The following KCTD3 variants were observed in gnomAD, a reference collection of about 807,000 sequenced individuals.
The protein encoded by KCTD3 is BTB/POZ domain-containing protein KCTD3.
Under a neutral mutation model 85.8 loss-of-function variants are expected in KCTD3, and 41 were observed. The observed-to-expected ratio is 0.48, with a 90% CI of 0.37 to 0.62. The LOEUF (loss-of-function observed/expected upper bound fraction) is 0.62, where lower values mean the gene tolerates loss of function less well. KCTD3 is among the 20% of genes least tolerant of loss of function. The pLI, the probability that KCTD3 is intolerant of heterozygous loss-of-function variation, is 0.00. For synonymous variants in KCTD3, 338 were observed against 345.4 expected, an observed-to-expected ratio of 0.98 and a Z score of 0.24; for missense variants, 724 against 989.9, an observed-to-expected ratio of 0.73 and a Z score of 3.60.
chr1:215,574,180 A>G (rs540247962), intron 3 of KCTD3, 62 bp downstream of exon 3: 2 of 942,308 alleles, frequency 2.1e-6, no homozygotes, highest in Admixed American at 2.0e-5. Context: ...TGGTCCTAAC[A>G]TATAGTTACT....
rs370509594 is a variant in KCTD3, at chr1:215,579,927, G to A, written c.554G>A (p.Arg185Gln). The change falls in exon 8 of 18, where the codon CGA (arginine) becomes CAA (glutamine). Residue 185 changes from arginine (R) to glutamine (Q), a missense_variant. By Grantham distance (43) the Arg-to-Gln change is conservative. Transcript: ENST00000259154. ...TVRLGFPVDP[R>Q]KVLIVAGHHN... is the part of the protein sequence containing the mutation. ...TCAACAGGATTTCCTGTGGATCCACGAAAGGTGCTAATAGTAGCTGGCCAT... is the reference window on the plus strand; with the variant it reads ...TCAACAGGATTTCCTGTGGATCCACAAAAGGTGCTAATAGTAGCTGGCCAT... 4.2e-5 allele frequency: 67 copies of A among 1,612,950 alleles called. No homozygotes were observed. The highest frequency in any genetic ancestry group is 8.3e-5 in the Admixed American group (5 of 59,996).
chr1:215,619,222 G>C lies in KCTD3; in HGVS notation c.1817G>C (p.Cys606Ser). ...CAATGTGATTTGAGCACATCTCGCTGTGCTACTCCTAACATCAGTCCAGCA... is the reference window on the plus strand; with the variant it reads ...CAATGTGATTTGAGCACATCTCGCTCTGCTACTCCTAACATCAGTCCAGCA... ...LDQCDLSTSRCATPNISPATS... is the reference protein window; with the variant it reads ...LDQCDLSTSRSATPNISPATS... The change falls in exon 17 of 18, where the codon TGT becomes TCT. Residue 606 changes from cysteine (C) to serine (S), a missense_variant. Physicochemically the swap from Cys to Ser is moderately radical, Grantham distance 112. Transcript: ENST00000259154. 6.2e-7 allele frequency: 1 copy of C among 1,613,952 alleles called. No individual in the cohort carries two copies. Among genetic ancestry groups the C allele is most frequent in the Non-Finnish European group, 8.5e-7 (1 of 1,179,828 alleles).
intron 8 of KCTD3, 26 bp downstream of exon 8, chr1:215,580,025 C>T (rs761464544): frequency 2.2e-6 from 3 of 1,357,016 alleles, no homozygotes; most frequent in African/African-American, 1.4e-5. Context: ...TAATGCTTTG[C>T]TTTTACAGGT....
At chr1:215,619,331 C>A (rs775241373) in intron 17 of KCTD3, 40 bp downstream of exon 17, 2 of 1,533,786 alleles carry the variant, frequency 1.3e-6, no homozygotes, top group Non-Finnish European at 1.8e-6. Flanking sequence ...AAATTTATTT[C>A]TTTTGGGGAA....
At chr1:215,580,640 A>G (rs1431077031) in intron 8 of KCTD3, among the ~76,000 whole-genome samples, 1 of 151,942 alleles carries the variant, frequency 6.6e-6, no homozygotes, top group East Asian at 1.9e-4. Flanking sequence ...AGAAATGTTG[A>G]TGACAGAGAA....
chr1:215,569,140 T>C (rs1276786357), intron 1 of KCTD3, among the ~76,000 whole-genome samples: 3 of 151,234 alleles, frequency 2.0e-5, no homozygotes, highest in Non-Finnish European at 3.0e-5. Flanking sequence ...TTTTTTTTTT[T>C]GAGACGGAGT....
At chr1:215,579,589 C>G (rs796839419) in intron 7 of KCTD3, among the ~76,000 whole-genome samples, 2 of 151,744 alleles carry the variant, frequency 1.3e-5, no homozygotes, top group African/African-American at 4.8e-5. Context: ...AGCTCTGCCT[C>G]CTGGGTTTAC....
chr1:215,601,191 C>CCTCCCG (rs1301352795), intron 10 of KCTD3, among the ~76,000 whole-genome samples: 2 of 151,606 alleles, frequency 1.3e-5, no homozygotes, highest in African/African-American at 4.9e-5. Flanking sequence ...CCTGCCTCGG[C>CCTCCCG]AGGTTTCTTT....
intron 9 of KCTD3, among the ~76,000 whole-genome samples, chr1:215,593,630 A>G (rs1471730515): frequency 2.0e-5 from 3 of 152,178 alleles, no homozygotes; most frequent in Admixed American, 6.5e-5. Flanking sequence ...GAGTTCTTCA[A>G]GGTTTCATGC....
At chr1:215,601,407 G>C (rs1250171675) in intron 10 of KCTD3, among the ~76,000 whole-genome samples, 1 of 152,170 alleles carries the variant, frequency 6.6e-6, no homozygotes, top group African/African-American at 2.4e-5. Context: ...TATCAAGGGA[G>C]CAAGTACTTT....
intron 15 of KCTD3, among the ~76,000 whole-genome samples, chr1:215,613,202 A>G (rs996979243): frequency 2.0e-5 from 3 of 152,204 alleles, no homozygotes; most frequent in Non-Finnish European, 4.4e-5. Context: ...TTAATAGTCC[A>G]TTAGGAAGGT....
intron 6 of KCTD3, 86 bp from the exon 7 acceptor site, chr1:215,578,914 A>G: frequency 2.3e-6 from 2 of 870,864 alleles, no homozygotes; most frequent in Non-Finnish European, 3.4e-6. Flanking sequence ...TGAAATTCAC[A>G]TTTTTGTTTC....
In KCTD3 at chr1:215,620,965, G is replaced by A; in HGVS notation, c.*347G>A. 2 of 262,148 alleles carry A rather than the reference G, an allele frequency of 7.6e-6. No individual in the cohort carries two copies. Among genetic ancestry groups the A allele is most frequent in the Non-Finnish European group, 7.1e-6 (1 of 140,024 alleles). 16.2% of individuals were successfully genotyped at this position (262,148 alleles called of 1,614,324 possible). ...TTTAGATCATGGGAACCAGCAGACT[G>A]CATTCCTAATCTTCATTATGCCTGA... is the stretch of plus-strand genomic sequence containing the variant. On this transcript the variant is annotated 3_prime_UTR_variant, in exon 18 of 18. Coordinates refer to ENST00000259154, the MANE Select transcript of KCTD3 (RefSeq NM_016121.5).
chr1:215,568,857 C>T (rs1391319143), intron 1 of KCTD3, among the ~76,000 whole-genome samples: 1 of 152,016 alleles, frequency 6.6e-6, no homozygotes, highest in Non-Finnish European at 1.5e-5. Context: ...TTCCTCTTCC[C>T]CCAAATCAAA....
intron 8 of KCTD3, among the ~76,000 whole-genome samples, chr1:215,581,485 T>G (rs2102563456): frequency 6.6e-6 from 1 of 152,320 alleles, no homozygotes; most frequent in East Asian, 1.9e-4. Flanking sequence ...TTTTTGTCAA[T>G]AAGGAATTCC....
chr1:215,570,721 G>A (rs1422072563), intron 1 of KCTD3, among the ~76,000 whole-genome samples: 1 of 152,186 alleles, frequency 6.6e-6, no homozygotes, highest in African/African-American at 2.4e-5. Flanking sequence ...TAAATAACTA[G>A]TTAGATTGCT....
intron 14 of KCTD3, among the ~76,000 whole-genome samples, chr1:215,610,997 T>C (rs1387967360): frequency 3.3e-5 from 5 of 151,922 alleles, no homozygotes; most frequent in Admixed American, 3.3e-4. Flanking sequence ...GTAAATCTTT[T>C]TACAATACTT....
At position 215,621,191 on chromosome 1, in the gene KCTD3, T is replaced by A. The variant is rs1249650846; in HGVS notation, c.*573T>A. 1 of 152,682 alleles carries A rather than the reference T, an allele frequency of 6.5e-6. No homozygotes were observed. The highest frequency in any genetic ancestry group is 1.9e-4 in the East Asian group (1 of 5,202). The allele number at this position is 152,682 out of a possible 1,614,324, so 9.5% of individuals were successfully genotyped here. A position where few individuals can be genotyped will look rare whatever the true frequency, so the allele number is the denominator to read the frequency against. ...ATGTAGTAAGTCTTTTAGGATGATT[T>A]TAATTTAGTCGTGCGTCATTTTCTG... On this transcript the variant is annotated 3_prime_UTR_variant, in exon 18 of 18. Coordinates refer to ENST00000259154, the MANE Select transcript of KCTD3 (RefSeq NM_016121.5).
At position 215,618,936 on chromosome 1, in the gene KCTD3, T is replaced by C; in HGVS notation, c.1613T>C (p.Val538Ala). ...VDCTTISSFTVRECEGSSRMG... is the reference protein window; with the variant it reads ...VDCTTISSFTARECEGSSRMG... The stretch of plus-strand genomic sequence containing the variant: ...TGTACTACAATATCCTCATTTACAG[T>C]GAGGGAATGTGAGGGATCCAGTAGG... The change falls in exon 16 of 18, where the codon GTG becomes GCG. Residue 538 changes from valine to alanine, a missense_variant. Around this residue, in one of 6 missense-constraint regions of KCTD3, gnomAD observed 136 missense variants for 197.6 expected, o/e 0.69. Coordinates refer to ENST00000259154, the MANE Select transcript of KCTD3 (RefSeq NM_016121.5). 2 of 1,613,236 alleles carry C rather than the reference T, an allele frequency of 1.2e-6. No homozygotes were observed. Among genetic ancestry groups the C allele is most frequent in the Non-Finnish European group, 1.7e-6 (2 of 1,179,692 alleles).
Sources: gnomAD v4.1 joint callset for allele counts (sites outside exome capture counted in the v4.1 genomes callset) on GRCh38, gnomAD v4.1.1 for gene constraint, gnomAD v4.1.1 regional missense constraint, MANE v1.5 for transcripts, NCBI Gene and HGNC (gene_info 2026-07-23, HGNC 2026-07-21) for gene names.